GADL1: variants seen among roughly 807,000 people sequenced by gnomAD.
GADL1 encodes the protein GAD like acidic amino acid decarboxylase 1, also known as acidic amino acid decarboxylase GADL1.
GADL1 carries 71 observed loss-of-function variants against 69.5 expected under a neutral mutation model. The observed-to-expected ratio is 1.02, with a 90% CI of 0.84 to 1.25. The LOEUF (loss-of-function observed/expected upper bound fraction) is 1.25, where lower values mean the gene tolerates loss of function less well. Among genes scored for constraint, GADL1 ranks in the 50% most tolerant of loss-of-function variants. The probability of loss-of-function intolerance (pLI) is 0.00; values close to 1 mark genes in which losing one functional copy is unlikely to be tolerated. For missense variants in GADL1, 737 were observed against 631.8 expected (o/e 1.17, Z -1.79); for synonymous variants, 254 against 214.4 (o/e 1.18, Z -1.62).
chr3:30,835,723 A>G (rs1697862327), intron 9 of GADL1, among the ~76,000 whole-genome samples: 1 of 152,056 alleles, frequency 6.6e-6, no homozygotes, highest in South Asian at 2.1e-4. Context: ...CATGGACTAA[A>G]GGCTCCATCA....
chr3:30,893,384 G>A (rs1161839226), intron 1 of GADL1, among the ~76,000 whole-genome samples: 1 of 151,840 alleles, frequency 6.6e-6, no homozygotes, highest in Non-Finnish European at 1.5e-5. Flanking sequence ...TCATTTCTTG[G>A]TGGTGAGAAC....
At position 30,801,199 on chromosome 3, in the gene GADL1, A is replaced by T. The variant is rs118118266; in HGVS notation, c.1051-111T>A. 11 of 770,832 alleles carry T rather than the reference A, an allele frequency of 1.4e-5. No individual in the cohort carries two copies. In the African/African-American group the frequency reaches 1.9e-4, roughly 13 times the overall value. 47.7% of individuals were successfully genotyped at this position (770,832 alleles called of 1,614,324 possible). ...TATATTCTACCTGTGCCAAGTGTAC[A>T]TCTCACTTTGACTGCCTTACATCAG... is the stretch of plus-strand genomic sequence containing the variant. On this transcript the variant is annotated intron_variant, in intron 11 of 14. Transcript: ENST00000282538.
intron 14 of GADL1, among the ~76,000 whole-genome samples, chr3:30,730,904 C>T (rs1695447358): frequency 6.6e-6 from 1 of 152,112 alleles, no homozygotes; most frequent in Non-Finnish European, 1.5e-5. Flanking sequence ...AATATACACA[C>T]TCACATATAA....
chr3:30,871,951 TA>T lies in GADL1; in HGVS notation c.38-10187del, dbSNP rs938023842. Among the ~76,000 whole-genome samples the T allele has an allele frequency of 1.7e-4, 26 of 152,146 alleles. 1 individual carries two copies. Among genetic ancestry groups the T allele is most frequent in the African/African-American group, 6.0e-4 (25 of 41,556 alleles). ...GCACAAGGCCAGGAATTAGATAACC[TA>T]ATCTTTTCAAGAGAGTAGATTTTTC... On this transcript the variant is annotated intron_variant, in intron 1 of 14. Transcript: ENST00000282538.
chr3:30,769,287 C>T (rs900203433), intron 14 of GADL1, among the ~76,000 whole-genome samples: 1 of 152,070 alleles, frequency 6.6e-6, no homozygotes. Flanking sequence ...ATACTTATGA[C>T]CTGAACCAAC....
At chr3:30,859,471 C>G (rs953316955) in intron 2 of GADL1, among the ~76,000 whole-genome samples, 2 of 151,666 alleles carry the variant, frequency 1.3e-5, no homozygotes, top group Admixed American at 6.6e-5. Flanking sequence ...AGGCAAGTAT[C>G]ATAGGGAAAG....
intron 3 of GADL1, among the ~76,000 whole-genome samples, chr3:30,856,733 A>G (rs1214985948): frequency 6.6e-6 from 1 of 152,060 alleles, no homozygotes; most frequent in Non-Finnish European, 1.5e-5. Flanking sequence ...TAGCAGTGAT[A>G]ATATATGATC....
intron 1 of GADL1, among the ~76,000 whole-genome samples, chr3:30,888,889 A>T (rs1183016833): frequency 1.3e-5 from 2 of 151,980 alleles, no homozygotes; most frequent in African/African-American, 2.4e-5. Flanking sequence ...CAGATGTTAG[A>T]AAGAAAACAA....
chr3:30,743,196 C>A (rs1695651863), intron 14 of GADL1, among the ~76,000 whole-genome samples: 1 of 152,104 alleles, frequency 6.6e-6, no homozygotes, highest in Admixed American at 6.6e-5. Flanking sequence ...TCACTGACCT[C>A]AAGGCAGAAT....
chr3:30,888,869 A>G (rs1698745943), intron 1 of GADL1, among the ~76,000 whole-genome samples: 3 of 151,986 alleles, frequency 2.0e-5, no homozygotes, highest in African/African-American at 7.2e-5. Flanking sequence ...CAGAAAACCA[A>G]AGAGGCAACC....
intron 11 of GADL1, among the ~76,000 whole-genome samples, chr3:30,821,218 T>C (rs1697573561): frequency 6.6e-6 from 1 of 151,948 alleles, no homozygotes; most frequent in Non-Finnish European, 1.5e-5. Context: ...TTAGGAGATA[T>C]ACCTAATGCT....
intron 3 of GADL1, among the ~76,000 whole-genome samples, chr3:30,855,660 T>C (rs954044743): frequency 6.6e-6 from 1 of 152,026 alleles, no homozygotes; most frequent in Admixed American, 6.6e-5. Context: ...CTTTACACCA[T>C]GTGAATAATC....
chr3:30,865,022 A>G (rs1575240218), intron 1 of GADL1, among the ~76,000 whole-genome samples: 1 of 152,086 alleles, frequency 6.6e-6, no homozygotes, highest in East Asian at 1.9e-4. Context: ...CTAAAAGCTA[A>G]CATCCTTCTA....
chr3:30,825,402 A>G (rs1697665335), intron 11 of GADL1, among the ~76,000 whole-genome samples: 1 of 152,058 alleles, frequency 6.6e-6, no homozygotes, highest in South Asian at 2.1e-4. Flanking sequence ...ACTTATTCAC[A>G]TGGACTTGGA....
chr3:30,868,030 A>C (rs1698428850), intron 1 of GADL1, among the ~76,000 whole-genome samples: 1 of 152,040 alleles, frequency 6.6e-6, no homozygotes, highest in African/African-American at 2.4e-5. Flanking sequence ...TTCTGAAGTA[A>C]CAACTTCATT....
In GADL1 at chr3:30,857,001, A is replaced by G; in HGVS notation, c.337+14T>C. The G allele has an allele frequency of 6.5e-7, 1 of 1,546,270 alleles. No individual in the cohort carries two copies. The highest frequency in any genetic ancestry group is 1.2e-5 in the South Asian group (1 of 83,830). ...TCAGAGGTACAGATCAAGGAAGTAA[A>G]TTAAAGTTCTTACTAGTTTTGACAC... On this transcript the variant is annotated intron_variant, in intron 3 of 14. Transcript: ENST00000282538.
intron 1 of GADL1, among the ~76,000 whole-genome samples, chr3:30,863,061 TCACACTCA>T (rs919445740): frequency 6.7e-6 from 1 of 149,470 alleles, no homozygotes; most frequent in Non-Finnish European, 1.5e-5. Flanking sequence ...ACACTCTCTC[TCACACTCA>T]CACACTCACT....
intron 1 of GADL1, among the ~76,000 whole-genome samples, chr3:30,864,901 C>T (rs1216605993): frequency 1.3e-5 from 2 of 151,958 alleles, no homozygotes; most frequent in African/African-American, 4.8e-5. Flanking sequence ...CGCCCTTTCC[C>T]CTCATTTTCT....
chr3:30,762,559 ATAAGC>A, intron 14 of GADL1, among the ~76,000 whole-genome samples: 1 of 152,200 alleles, frequency 6.6e-6, no homozygotes, highest in African/African-American at 2.4e-5. Flanking sequence ...ATGCACTGAA[ATAAGC>A]ACATCATGAA....
Sources: allele counts gnomAD v4.1 joint callset (sites outside exome capture counted in the v4.1 genomes callset), GRCh38; gene constraint gnomAD v4.1.1; transcripts MANE v1.5; gene names NCBI Gene and HGNC (gene_info 2026-07-23, HGNC 2026-07-21).